The following NUP210L variants were observed in gnomAD, a reference collection of about 807,000 sequenced individuals.
NUP210L encodes nuclear pore membrane glycoprotein 210-like.
In NUP210L, 74 loss-of-function variants were observed where a neutral mutation model predicts 208.5. That is an observed-to-expected ratio of 0.35 (90% CI 0.29 to 0.43). The LOEUF (loss-of-function observed/expected upper bound fraction) is 0.43. NUP210L is among the 20% of genes least tolerant of loss of function. NUP210L has a pLI of 1.00. For missense variants in NUP210L, 1,843 were observed against 2,289.4 expected (o/e 0.81, Z 3.98); for synonymous variants, 780 against 816.9 (o/e 0.95, Z 0.77).
intron 12 of NUP210L, among the ~76,000 whole-genome samples, chr1:154,108,450 G>A (rs904109161): frequency 2.6e-5 from 4 of 152,270 alleles, no homozygotes; most frequent in African/African-American, 9.6e-5. Context: ...TTACAGGCAT[G>A]AGCCACTGCA....
exon 12 of NUP210L, chr1:154,117,841 T>G: frequency 6.2e-7 from 1 of 1,612,686 alleles, no homozygotes; most frequent in East Asian, 2.2e-5. Context: ...ACTGTTTCAT[T>G]AGAAGAAGTC....
chr1:154,122,649 C>T lies in NUP210L; in HGVS notation c.1326+3674G>A, dbSNP rs887435070. 4.6e-5 allele frequency among the ~76,000 whole-genome samples: 7 copies of T among 152,114 alleles called. No homozygotes were observed. The East Asian group carries it at 9.7e-4, about 21-fold the overall frequency. On this transcript the variant is annotated intron_variant, in intron 10 of 39. Coordinates refer to ENST00000368559, the Ensembl canonical transcript of NUP210L. The stretch of plus-strand genomic sequence containing the variant: ...TAGTCTGGGAAACAGAGCAAAACTC[C>T]GTCTCAAAGAAAACAAAACAGAAAA...
At chr1:154,125,715 AAGGAAGGAAGGAAGGAAGGAAGGGAGGG>A (rs1657895569) in intron 10 of NUP210L, among the ~76,000 whole-genome samples, 2 of 41,054 alleles carry the variant, frequency 4.9e-5, no homozygotes, top group African/African-American at 1.4e-4. Flanking sequence ...GGAAGGAAGG[AAGGAAGGAAGGAAGGAAGGAAGGGAGGG>A]AGGGAAATGT....
intron 35 of NUP210L, 21 bp from the exon 36 acceptor site, chr1:154,002,006 A>AG (rs979785984): frequency 1.3e-5 from 21 of 1,610,672 alleles, no homozygotes; most frequent in Non-Finnish European, 1.5e-5. Context: ...AAGAGGAAAA[A>AG]CTGAGCAGGA....
At chr1:154,141,620 T>C in intron 3 of NUP210L, 96 bp from the exon 4 acceptor site, 1 of 728,904 alleles carries the variant, frequency 1.4e-6, no homozygotes. Context: ...AGAAAATTAC[T>C]TTGAAGCCTC....
intron 12 of NUP210L, among the ~76,000 whole-genome samples, chr1:154,106,668 G>C (rs892948947): frequency 6.6e-5 from 10 of 152,206 alleles, no homozygotes; most frequent in African/African-American, 2.4e-4. Context: ...GGGAGAGAGA[G>C]AGACTCTGTT....
intron 17 of NUP210L, among the ~76,000 whole-genome samples, 191 bp from the exon 18 acceptor site, chr1:154,061,865 G>A (rs1259787369): frequency 6.6e-6 from 1 of 152,054 alleles, no homozygotes; most frequent in Non-Finnish European, 1.5e-5. Context: ...ATGGAGTGTC[G>A]CTGTGTTGCC....
chr1:154,059,835 G>A (rs145293945), intron 20 of NUP210L, among the ~76,000 whole-genome samples: 8 of 152,178 alleles, frequency 5.3e-5, no homozygotes, highest in East Asian at 1.9e-4. Context: ...TATATTAATA[G>A]ATGGTATTAT....
chr1:154,103,711 A>G (rs1451525450), intron 13 of NUP210L, among the ~76,000 whole-genome samples: 2 of 151,586 alleles, frequency 1.3e-5, no homozygotes, highest in Non-Finnish European at 2.9e-5. Context: ...CAAAAGCGAG[A>G]CACTGTCTCA....
chr1:154,120,285 T>G (rs1657547155), intron 10 of NUP210L, among the ~76,000 whole-genome samples: 1 of 152,180 alleles, frequency 6.6e-6, no homozygotes, highest in Non-Finnish European at 1.5e-5. Flanking sequence ...AGATTCTGGA[T>G]ACTATGCAGC....
intron 25 of NUP210L, 74 bp downstream of exon 25, chr1:154,054,154 C>T: frequency 1.3e-6 from 2 of 1,502,446 alleles, no homozygotes. Flanking sequence ...TCCTCATTAC[C>T]ACTGCCTCCC....
chr1:154,112,665 G>A (rs1418155645), intron 12 of NUP210L, among the ~76,000 whole-genome samples: 1 of 151,970 alleles, frequency 6.6e-6, no homozygotes, highest in Non-Finnish European at 1.5e-5. Flanking sequence ...AGTCCACCCT[G>A]GGCAATATAG....
At chr1:154,018,726 C>T (rs1557917540) in intron 33 of NUP210L, among the ~76,000 whole-genome samples, 1 of 152,188 alleles carries the variant, frequency 6.6e-6, no homozygotes, top group Non-Finnish European at 1.5e-5. Flanking sequence ...CCAGTACCCA[C>T]TGTGATCTCT....
At chr1:154,025,430 C>A in intron 30 of NUP210L, 112 bp downstream of exon 30, 398 of 340,362 alleles carry the variant, frequency 1.2e-3, no homozygotes, top group Middle Eastern at 4.8e-3. Context: ...TTCTTTTTTT[C>A]TTTAATGGCA....
chr1:154,098,211 T>C (rs1273532113), intron 14 of NUP210L, among the ~76,000 whole-genome samples: 1 of 152,120 alleles, frequency 6.6e-6, no homozygotes, highest in Non-Finnish European at 1.5e-5. Flanking sequence ...AACACAGTGG[T>C]GCCTGGAAGC....
At chr1:154,073,764 G>A (rs11808760) in intron 16 of NUP210L, among the ~76,000 whole-genome samples, 2 of 151,308 alleles carry the variant, frequency 1.3e-5, no homozygotes, top group African/African-American at 2.4e-5. Flanking sequence ...GCAGTGAGCC[G>A]AGAATGGACC....
At chr1:154,046,520 A>T in intron 25 of NUP210L, 151 bp from the exon 26 acceptor site, 1 of 669,222 alleles carries the variant, frequency 1.5e-6, no homozygotes, top group Non-Finnish European at 2.7e-6. Flanking sequence ...AATAGCCAAT[A>T]TTTGGAGCCA....
chr1:154,104,411 A>G (rs990442789), intron 12 of NUP210L: 7 of 563,260 alleles, frequency 1.2e-5, no homozygotes, highest in African/African-American at 5.7e-5. Context: ...TTTTAACATC[A>G]TATCAAGGAA....
chr1:154,016,923 A>G (rs1289797284), intron 33 of NUP210L, among the ~76,000 whole-genome samples: 1 of 152,058 alleles, frequency 6.6e-6, no homozygotes, highest in African/African-American at 2.4e-5. Context: ...CTGAGATCAC[A>G]CCACTGCATT....
Sources: allele counts gnomAD v4.1 joint callset (sites outside exome capture counted in the v4.1 genomes callset), GRCh38; gene constraint gnomAD v4.1.1; transcripts MANE v1.5; gene names NCBI Gene and HGNC (gene_info 2026-07-23, HGNC 2026-07-21).